BCOR: variants seen among roughly 807,000 people sequenced by gnomAD.
BCOR encodes BCL-6 corepressor.
BCOR carries 10 observed loss-of-function variants against 86.7 expected under a neutral mutation model. The ratio of observed to expected loss-of-function variants is 0.12; its 90% CI spans 0.07 to 0.20. The LOEUF (loss-of-function observed/expected upper bound fraction) is 0.20, where lower values mean the gene tolerates loss of function less well. Among genes scored for constraint, BCOR ranks in the 10% least tolerant of loss-of-function variants. The probability of loss-of-function intolerance (pLI) is 1.00; values close to 1 mark genes in which losing one functional copy is unlikely to be tolerated. For synonymous variants in BCOR, 611 were observed against 609.0 expected, an observed-to-expected ratio of 1.00 and a Z score of -0.05; for missense variants, 1,259 against 1,452.1, an observed-to-expected ratio of 0.87 and a Z score of 2.16.
chrX:40,138,658 G>A (rs1218089245), intron 1 of BCOR, among the ~76,000 whole-genome samples: 2 of 110,593 alleles, frequency 1.8e-5, no homozygotes, highest in Non-Finnish European at 3.8e-5. Context: ...GGGTTCAAGC[G>A]ATTCTCCTGC....
At chrX:40,098,320 G>A, upstream of BCOR, among the ~76,000 whole-genome samples, 1 of 108,425 alleles carries the variant, frequency 9.2e-6, no homozygotes, top group South Asian at 4.0e-4. Context: ...CTTGGGTGGC[G>A]CCCCCCCTCC....
At chrX:40,132,519 C>T (rs5917935) in intron 1 of BCOR, among the ~76,000 whole-genome samples, 37,727 of 110,267 alleles carry the variant, frequency 0.34, 7,571 homozygotes, top group African/African-American at 0.76. Flanking sequence ...GCTCAATTGA[C>T]CTACCCGCTT....
At chrX:40,101,470 G>A (rs1466964237), upstream of BCOR, among the ~76,000 whole-genome samples, 2 of 113,200 alleles carry the variant, frequency 1.8e-5, no homozygotes, top group Non-Finnish European at 3.8e-5. Flanking sequence ...AGCAGCGGGG[G>A]CTGCCCCTCC....
chrX:40,088,451 G>A (rs1414841085), intron 1 of BCOR, among the ~76,000 whole-genome samples: 1 of 111,786 alleles, frequency 8.9e-6, no homozygotes, highest in Non-Finnish European at 1.9e-5. Flanking sequence ...GCTTTTAGGG[G>A]AAGAAGGGAA....
At chrX:40,079,249 T>C (rs1010934530) in intron 1 of BCOR, among the ~76,000 whole-genome samples, 1 of 112,252 alleles carries the variant, frequency 8.9e-6, no homozygotes, top group African/African-American at 3.2e-5. Context: ...AAATGTTCCC[T>C]AAGTCGACAC....
At chrX:40,080,975 G>A (rs891957217) in intron 1 of BCOR, among the ~76,000 whole-genome samples, 6 of 34,504 alleles carry the variant, frequency 1.7e-4, no homozygotes, top group African/African-American at 3.8e-4. Flanking sequence ...ACGCACACGC[G>A]CACACACACA....
chrX:40,083,456 G>A (rs940265053), intron 1 of BCOR, among the ~76,000 whole-genome samples: 1 of 112,438 alleles, frequency 8.9e-6, no homozygotes, highest in Non-Finnish European at 1.9e-5. Context: ...GGGGGAGGGG[G>A]AAGGGGAAAC....
chrX:40,083,219 C>A (rs1936189130), intron 1 of BCOR, among the ~76,000 whole-genome samples: 1 of 111,180 alleles, frequency 9.0e-6, no homozygotes, highest in African/African-American at 3.3e-5. Context: ...TACCCCAAGG[C>A]TGCCCCCCAG....
rs1934548199 is a variant in BCOR at position 40,055,500 on chromosome X, C to T, written c.4609G>A (p.Ala1537Thr). 8.3e-7 allele frequency: 1 copy of T among 1,211,704 alleles called. No individual in the cohort carries two copies. The highest frequency in any genetic ancestry group is 2.2e-5 in the Admixed American group (1 of 46,050). ...ATTTCCAAGTGATCGTTCTCAACAG[C>T]ATCGTGCAGAGGCCTAGGAAGAGAG... The part of the protein sequence containing the change: ...AQDGTRPLHD[A>T]VENDHLEIVR... The change falls in exon 12 of 15, where the codon GCT (alanine) becomes ACT (threonine). Residue 1537 changes from alanine (A) to threonine (T), a missense_variant. Around this residue, in one of 7 missense-constraint regions of BCOR, gnomAD observed 47 missense variants for 102.1 expected, o/e 0.46. Coordinates refer to ENST00000378444, the MANE Select transcript of BCOR (RefSeq NM_001123385.2).
At chrX:40,075,849 C>T (rs753620771) in intron 3 of BCOR, among the ~76,000 whole-genome samples, 37 of 112,265 alleles carry the variant, frequency 3.3e-4, no homozygotes, top group African/African-American at 1.2e-3. Context: ...AGGACACCAA[C>T]TCCAAAACTC....
chrX:40,068,418 A>G (rs1935306929), intron 6 of BCOR, among the ~76,000 whole-genome samples: 1 of 112,142 alleles, frequency 8.9e-6, no homozygotes, highest in Non-Finnish European at 1.9e-5. Context: ...CAAAGTACAT[A>G]GGGGCTGCTG....
chrX:40,173,755 C>G (rs1338929678), intron 1 of BCOR, among the ~76,000 whole-genome samples: 1 of 112,272 alleles, frequency 8.9e-6, no homozygotes, highest in Non-Finnish European at 1.9e-5. Flanking sequence ...GACCTCCAGC[C>G]TACTCTTCCA....
At chrX:40,099,715 TTC>T (rs1001604670), upstream of BCOR, among the ~76,000 whole-genome samples, 5 of 112,526 alleles carry the variant, frequency 4.4e-5, no homozygotes, top group African/African-American at 6.5e-5. Context: ...ATTTTATTCA[TTC>T]TGTTTTAGTT....
chrX:40,056,119 T>C (rs766210647), intron 11 of BCOR, among the ~76,000 whole-genome samples: 55 of 109,843 alleles, frequency 5.0e-4, no homozygotes, highest in African/African-American at 1.8e-3. Context: ...ACTGCCCAGC[T>C]GCAAACCCTA....
chrX:40,109,204 G>C (rs1039035716), intron 1 of BCOR, among the ~76,000 whole-genome samples: 4 of 112,274 alleles, frequency 3.6e-5, no homozygotes, highest in African/African-American at 1.3e-4. Flanking sequence ...GTGCGCCCGG[G>C]AACCGGGAGG....
intron 10 of BCOR, among the ~76,000 whole-genome samples, chrX:40,060,678 C>T (rs1341646255): frequency 8.9e-6 from 1 of 112,602 alleles, no homozygotes; most frequent in Non-Finnish European, 1.9e-5. Context: ...CTACCCTGTC[C>T]TCATAGGCGC....
In BCOR at chrX:40,072,822, C is replaced by G. The variant is rs746232773; in HGVS notation, c.2524G>C (p.Val842Leu). The change falls in exon 4 of 15, where the codon GTT becomes CTT. Residue 842 changes from valine (V) to leucine (L), a missense_variant. Coordinates refer to ENST00000378444, the MANE Select transcript of BCOR (RefSeq NM_001123385.2). The stretch of plus-strand genomic sequence containing the variant: ...CGGTGCTGCTGCAGGGCCGGCTCAA[C>G]TGAGGGCTTGGGGGGCTCAGCGCTC... ...GQSAEPPKPS[V>L]EPALQQHRDF... The G allele has an allele frequency of 8.3e-7, 1 of 1,211,972 alleles. No homozygotes were observed. The highest frequency in any genetic ancestry group is 1.1e-6 in the Non-Finnish European group (1 of 895,560).
Position 40,075,031 on chromosome X carries a change from G to C in BCOR, c.315C>G (p.Ala105=), listed in dbSNP as rs2147275670. The change falls in exon 4 of 15, where the codon GCC becomes GCG. Residue 105 remains alanine (A), a synonymous_variant. Coordinates refer to ENST00000378444, the MANE Select transcript of BCOR (RefSeq NM_001123385.2). ...GLGSEKGREA[A]TSTLGGLGFS... is the part of the protein sequence containing the mutation. ...ACCCAAGGCCACCTAGAGTGCTTGTGGCAGCCTCCCGACCTTTCTCTGAGC... is the reference window on the plus strand; with the variant it reads ...ACCCAAGGCCACCTAGAGTGCTTGTCGCAGCCTCCCGACCTTTCTCTGAGC... 1 of 1,206,461 alleles carries C rather than the reference G, an allele frequency of 8.3e-7. No homozygotes were observed. The highest frequency in any genetic ancestry group is 1.1e-6 in the Non-Finnish European group (1 of 892,580).
intron 1 of BCOR, among the ~76,000 whole-genome samples, chrX:40,168,915 C>G (rs752773028): frequency 2.2e-4 from 25 of 112,791 alleles, no homozygotes; most frequent in African/African-American, 8.0e-4. Context: ...GCCTCCTGGC[C>G]TCCCCCGCCC....
Sources: allele counts gnomAD v4.1 joint callset (sites outside exome capture counted in the v4.1 genomes callset), GRCh38; gene constraint gnomAD v4.1.1; regional missense constraint gnomAD v4.1.1; transcripts MANE v1.5; gene names NCBI Gene and HGNC (gene_info 2026-07-23, HGNC 2026-07-21).